Variants in STAT1 observed in about 807,000 individuals in gnomAD.
STAT1 encodes the protein signal transducer and activator of transcription 1-alpha/beta.
Under a neutral mutation model 111.7 loss-of-function variants are expected in STAT1, and 24 were observed. That is an observed-to-expected ratio of 0.21 (90% CI 0.16 to 0.30). The LOEUF is 0.30. Ranked by LOEUF, STAT1 falls within the 10% of genes least tolerant of loss-of-function variation. STAT1 has a pLI of 1.00. For missense variants in STAT1, 351 were observed against 911.9 expected (o/e 0.38, Z 7.92); for synonymous variants, 332 against 326.5 (o/e 1.02, Z -0.18).
chr2:191,008,570 T>C (rs1351947191), intron 4 of STAT1, among the ~76,000 whole-genome samples: 1 of 152,248 alleles, frequency 6.6e-6, no homozygotes, highest in African/African-American at 2.4e-5. Flanking sequence ...CTCATTTGCA[T>C]AGCAAGGACC....
intron 10 of STAT1, chr2:190,992,791 TTC>T (rs1479379585): frequency 3.0e-5 from 17 of 559,530 alleles, no homozygotes; most frequent in Non-Finnish European, 8.3e-6. Context: ...ATTGCATTCT[TTC>T]TTTTTTTTTT....
Position 190,995,055 on chromosome 2 carries a change from A to G in STAT1, c.944+6T>C. 1 of 1,613,234 alleles carries G rather than the reference A, an allele frequency of 6.2e-7. No homozygotes were observed. Among genetic ancestry groups the G allele is most frequent in the Non-Finnish European group, 8.5e-7 (1 of 1,179,710 alleles). On this transcript the variant is annotated splice_donor_region_variant and intron_variant, in intron 10 of 24. Transcript: ENST00000361099. This position sits in a 1 kb window ranked among gnomAD's most constrained non-coding sequence, Gnocchi z 4.2. ...AGAAGGTACAAATAAATGTCCCTTG[A>G]GTTACCTCTGAATGAGCTGCTGGAA...
At position 190,977,482 on chromosome 2, in the gene STAT1, CAT is replaced by C. The variant is rs1691997489; in HGVS notation, c.1874-459_1874-458del. On this transcript the variant is annotated intron_variant, in intron 21 of 24. Transcript: ENST00000361099. The surrounding 1 kb of genome is among the most constrained non-coding windows in gnomAD (Gnocchi z 4.7). ...ATAAATTATGATATATAGAAAACAA[CAT>C]TTCAAATTAAAAATGATCCTATTTG... 6.6e-6 allele frequency among the ~76,000 whole-genome samples: 1 copy of C among 152,160 alleles called. No homozygotes were observed. Among genetic ancestry groups the C allele is most frequent in the South Asian group, 2.1e-4 (1 of 4,836 alleles).
At position 190,976,210 on chromosome 2, in the gene STAT1, T is replaced by C. The variant is rs1373613092; in HGVS notation, c.2060-323A>G. On this transcript the variant is annotated intron_variant, in intron 22 of 24. Coordinates refer to ENST00000361099, the MANE Select transcript of STAT1 (RefSeq NM_007315.4). This position sits in a 1 kb window ranked among gnomAD's most constrained non-coding sequence, Gnocchi z 6.0. The stretch of plus-strand genomic sequence containing the variant: ...CAAAGTTCTATCCAGTTTATTGGCA[T>C]TAGCCTGGCTAATGAATATTCACAG... Among the ~76,000 whole-genome samples the C allele has an allele frequency of 2.6e-5, 4 of 152,240 alleles. No individual in the cohort carries two copies. Among genetic ancestry groups the C allele is most frequent in the African/African-American group, 9.6e-5 (4 of 41,470 alleles).
Position 190,998,663 on chromosome 2 carries a change from AAAAAAAAAC to A in STAT1, c.542-364_542-356del, listed in dbSNP as rs1694029052. On this transcript the variant is annotated intron_variant, in intron 7 of 24. Transcript: ENST00000361099. This position sits in a 1 kb window ranked among gnomAD's most constrained non-coding sequence, Gnocchi z 4.1. ...GGCGACAGAGCGAGACTCCGTCTCCAAAAAAAAACAAAAAAAACAAAAAAAAAACAAAAA... is the reference window on the plus strand; with the variant it reads ...GGCGACAGAGCGAGACTCCGTCTCCAAAAAAAAACAAAAAAAAAACAAAAA... Among the ~76,000 whole-genome samples the A allele has an allele frequency of 1.3e-5, 2 of 149,720 alleles. No individual in the cohort carries two copies. Among genetic ancestry groups the A allele is most frequent in the South Asian group, 2.1e-4 (1 of 4,734 alleles).
At position 190,978,827 on chromosome 2, in the gene STAT1, T is replaced by C; in HGVS notation, c.1873+29A>G. On this transcript the variant is annotated intron_variant, in intron 21 of 24. Transcript: ENST00000361099. This position sits in a 1 kb window ranked among gnomAD's most constrained non-coding sequence, Gnocchi z 6.1. ...GAGGGACTTCACACACATGGAATGGTGGGACTATGTGCTCAAACTCCCACT... is the reference window on the plus strand; with the variant it reads ...GAGGGACTTCACACACATGGAATGGCGGGACTATGTGCTCAAACTCCCACT... 6.2e-7 allele frequency: 1 copy of C among 1,612,422 alleles called. No individual in the cohort carries two copies.
chr2:190,970,567 TC>T lies in STAT1; in HGVS notation c.*135del. ...GAGTTAGAGAAAAATTCACTTGCTA[TC>T]AACAGGTTGCAGCGAATTTGCTGGC... On this transcript the variant is annotated 3_prime_UTR_variant, in exon 25 of 25. Coordinates refer to ENST00000361099, the MANE Select transcript of STAT1 (RefSeq NM_007315.4). This position sits in a 1 kb window ranked among gnomAD's most constrained non-coding sequence, Gnocchi z 5.4. 1.1e-6 allele frequency: 1 copy of T among 934,158 alleles called. No homozygotes were observed. The highest frequency in any genetic ancestry group is 1.7e-6 in the Non-Finnish European group (1 of 579,318). The allele number at this position is 934,158 out of a possible 1,614,324, so 57.9% of individuals were successfully genotyped here.
intron 24 of STAT1, among the ~76,000 whole-genome samples, chr2:190,972,677 C>G (rs180724034): frequency 6.6e-6 from 1 of 152,128 alleles, no homozygotes; most frequent in Non-Finnish European, 1.5e-5. Flanking sequence ...GAGACTGATT[C>G]AACCGTTGTC....
chr2:191,009,141 G>C, intron 3 of STAT1, 34 bp from the exon 4 acceptor site: 1 of 1,612,410 alleles, frequency 6.2e-7, no homozygotes, highest in Non-Finnish European at 8.5e-7. Context: ...TTTCATTCTA[G>C]AACTAAATGT....
rs1693839797 is a variant in STAT1, at chr2:190,996,145, C to T, written c.786-926G>A. Among the ~76,000 whole-genome samples the T allele has an allele frequency of 6.6e-6, 1 of 152,144 alleles. No homozygotes were observed. The highest frequency in any genetic ancestry group is 2.4e-5 in the African/African-American group (1 of 41,438). ...AACTGAAAGGAGAAGGCAGTATGCTCAGTCTAGACCCTAAACATAAAAAGC... is the reference window on the plus strand; with the variant it reads ...AACTGAAAGGAGAAGGCAGTATGCTTAGTCTAGACCCTAAACATAAAAAGC... On this transcript the variant is annotated intron_variant, in intron 9 of 24. Transcript: ENST00000361099. The surrounding 1 kb of genome is among the most constrained non-coding windows in gnomAD (Gnocchi z 4.5).
rs1014008446 is a variant in STAT1 at position 190,975,237 on chromosome 2, G to A, written c.2136-305C>T. 4.3e-6 allele frequency: 2 copies of A among 460,110 alleles called. No homozygotes were observed. The highest frequency in any genetic ancestry group is 4.0e-5 in the African/African-American group (2 of 49,636). The allele number at this position is 460,110 out of a possible 1,614,324, so 28.5% of individuals were successfully genotyped here. ...GAGCATGTGCGGTGCACTACCCTGA[G>A]ATGACAATGCCTCGTGGCTTACCCT... On this transcript the variant is annotated intron_variant, in intron 23 of 24. Coordinates refer to ENST00000361099, the MANE Select transcript of STAT1 (RefSeq NM_007315.4). The surrounding 1 kb of genome is among the most constrained non-coding windows in gnomAD (Gnocchi z 5.9).
intron 3 of STAT1, 104 bp downstream of exon 3, chr2:191,009,772 C>G: frequency 2.1e-6 from 3 of 1,427,410 alleles, no homozygotes; most frequent in Non-Finnish European, 3.0e-6. Flanking sequence ...ATTCCAGTGG[C>G]CATTGATGGA....
intron 10 of STAT1, chr2:190,992,735 C>T: frequency 1.0e-6 from 1 of 1,002,778 alleles, no homozygotes; most frequent in Non-Finnish European, 1.4e-6. Flanking sequence ...GACCCATTAG[C>T]TTCTTAATCT....
Position 190,970,602 on chromosome 2 carries a change from C to A in STAT1, c.*101G>T. The stretch of plus-strand genomic sequence containing the variant: ...GCAGCGAATTTGCTGGCCTTTCTTT[C>A]ATTTCCCTAGAAACACAGGATGTGA... On this transcript the variant is annotated 3_prime_UTR_variant, in exon 25 of 25. Transcript: ENST00000361099. The surrounding 1 kb of genome is among the most constrained non-coding windows in gnomAD (Gnocchi z 5.4). 1 of 1,400,288 alleles carries A rather than the reference C, an allele frequency of 7.1e-7. No homozygotes were observed. Among genetic ancestry groups the A allele is most frequent in the South Asian group, 1.2e-5 (1 of 86,266 alleles). 86.7% of individuals were successfully genotyped at this position (1,400,288 alleles called of 1,614,324 possible).
chr2:190,975,009 C>T lies in STAT1; in HGVS notation c.2136-77G>A, dbSNP rs1386185179. 20 of 1,078,670 alleles carry T rather than the reference C, an allele frequency of 1.9e-5. No homozygotes were observed. The highest frequency in any genetic ancestry group is 2.7e-5 in the Non-Finnish European group (19 of 706,350). 66.8% of individuals were successfully genotyped at this position (1,078,670 alleles called of 1,614,324 possible). On this transcript the variant is annotated intron_variant, in intron 23 of 24. Coordinates refer to ENST00000361099, the MANE Select transcript of STAT1 (RefSeq NM_007315.4). The surrounding 1 kb of genome is among the most constrained non-coding windows in gnomAD (Gnocchi z 5.9). ...ACTAGTGCATACTTACACACTTTAT[C>T]TTTTGTCTGTAATTGAATTATCACG...
rs1329205244 is a variant in STAT1, at chr2:190,991,469, A to G, written c.945-149T>C. ...TCTGACAAGTTGGATGAACAAAGTG[A>G]TATTTTCTAATTAGTAAAGAAATCC... On this transcript the variant is annotated intron_variant, in intron 10 of 24. Transcript: ENST00000361099. 3.0e-5 allele frequency: 23 copies of G among 758,204 alleles called. No homozygotes were observed. The Middle Eastern group carries it at 2.0e-3, about 65-fold the overall frequency. 47.0% of individuals were successfully genotyped at this position (758,204 alleles called of 1,614,324 possible).
At position 190,971,860 on chromosome 2, in the gene STAT1, A is replaced by C. The variant is rs538392996; in HGVS notation, c.2239-1143T>G. ...CCCTAGTAGCTGGGATTACAGGCAC[A>C]CACCACCATGGCTGGCTAATTTTTG... On this transcript the variant is annotated intron_variant, in intron 24 of 24. Transcript: ENST00000361099. This position sits in a 1 kb window ranked among gnomAD's most constrained non-coding sequence, Gnocchi z 4.1. Among the ~76,000 whole-genome samples, 10 of 152,090 alleles carry C rather than the reference A, an allele frequency of 6.6e-5. No homozygotes were observed. The highest frequency in any genetic ancestry group is 3.4e-3 in the Middle Eastern group (1 of 294).
In STAT1 at chr2:191,010,567, A is replaced by G. The variant is rs576425297; in HGVS notation, c.-1-563T>C. The stretch of plus-strand genomic sequence containing the variant: ...TTTTAATTAGACTTGCTTTAAGACA[A>G]ATCACAAGACTCTCCCAAAATTGCT... On this transcript the variant is annotated intron_variant, in intron 2 of 24. Transcript: ENST00000361099. 7.1e-4 allele frequency: 169 copies of G among 236,456 alleles called. 2 individuals are homozygous for G. The highest frequency in any genetic ancestry group is 6.4e-3 in the South Asian group (140 of 22,024). The allele number at this position is 236,456 out of a possible 1,614,324, so 14.6% of individuals were successfully genotyped here. A position where few individuals can be genotyped will look rare whatever the true frequency, so the allele number is the denominator to read the frequency against.
rs767012064 is a variant in STAT1 at position 191,007,693 on chromosome 2, T to C, written c.274-32A>G. 9.6e-6 allele frequency: 14 copies of C among 1,460,262 alleles called. No individual in the cohort carries two copies. The South Asian group carries it at 1.1e-4, about 12-fold the overall frequency. 90.5% of individuals were successfully genotyped at this position (1,460,262 alleles called of 1,614,324 possible). A position where few individuals can be genotyped will look rare whatever the true frequency, so the allele number is the denominator to read the frequency against. The stretch of plus-strand genomic sequence containing the variant: ...TTGAGTGGTTAGAACAAAAATAAAT[T>C]AAAATGCAGAATGTTTACTTTATTG... On this transcript the variant is annotated intron_variant, in intron 4 of 24. Coordinates refer to ENST00000361099, the MANE Select transcript of STAT1 (RefSeq NM_007315.4). The surrounding 1 kb of genome is among the most constrained non-coding windows in gnomAD (Gnocchi z 4.2).
Sources: allele counts gnomAD v4.1 joint callset (sites outside exome capture counted in the v4.1 genomes callset), GRCh38; gene constraint gnomAD v4.1.1; non-coding constraint Gnocchi (gnomAD v3.1); transcripts MANE v1.5; gene names NCBI Gene and HGNC (gene_info 2026-07-23, HGNC 2026-07-21).